CSMD1: variants seen among roughly 807,000 people sequenced by gnomAD.
The protein encoded by CSMD1 is CUB and sushi domain-containing protein 1.
CSMD1 carries 213 observed loss-of-function variants against 417.5 expected under a neutral mutation model. The observed-to-expected ratio is 0.51, with a 90% CI of 0.46 to 0.57. CSMD1 has a LOEUF of 0.57. CSMD1 is among the 20% of genes least tolerant of loss of function. The pLI, the probability that CSMD1 is intolerant of heterozygous loss-of-function variation, is 0.00. For synonymous variants in CSMD1, 2,862 were observed against 1,736.8 expected, an observed-to-expected ratio of 1.65 and a Z score of -16.11; for missense variants, 6,923 against 4,529.7, an observed-to-expected ratio of 1.53 and a Z score of -15.17.
At chr8:3,315,509 A>T (rs971414009) in intron 23 of CSMD1, among the ~76,000 whole-genome samples, 1 of 151,446 alleles carries the variant, frequency 6.6e-6, no homozygotes, top group Non-Finnish European at 1.5e-5. Flanking sequence ...TAAGCTACAG[A>T]TGCTATTGTT....
At chr8:4,414,951 T>G (rs1173812200) in intron 3 of CSMD1, among the ~76,000 whole-genome samples, 1 of 152,140 alleles carries the variant, frequency 6.6e-6, no homozygotes, top group East Asian at 1.9e-4. Context: ...TCCCTGCATT[T>G]ATTTTGGGAC....
chr8:3,530,814 C>G (rs1288210160), intron 10 of CSMD1, among the ~76,000 whole-genome samples: 1 of 151,720 alleles, frequency 6.6e-6, no homozygotes, highest in Non-Finnish European at 1.5e-5. Flanking sequence ...CAGGCATGAG[C>G]CACCATGCCT....
intron 3 of CSMD1, among the ~76,000 whole-genome samples, chr8:4,385,179 C>T (rs908239899): frequency 6.6e-6 from 1 of 151,988 alleles, no homozygotes; most frequent in Admixed American, 6.6e-5. Flanking sequence ...CTCCCCGTCT[C>T]GGCGTCTTAA....
intron 11 of CSMD1, among the ~76,000 whole-genome samples, chr8:3,473,708 A>G (rs188748287): frequency 1.3e-5 from 2 of 152,336 alleles, no homozygotes; most frequent in East Asian, 1.9e-4. Context: ...CATTATAACA[A>G]TGATGAAGAA....
At chr8:3,517,574 T>C (rs1328886624) in intron 10 of CSMD1, among the ~76,000 whole-genome samples, 1 of 152,190 alleles carries the variant, frequency 6.6e-6, no homozygotes, top group Non-Finnish European at 1.5e-5. Context: ...CACACTGCTG[T>C]CCTCTGCAAT....
In CSMD1 at chr8:3,985,315, A is replaced by C. The variant is rs574024150; in HGVS notation, c.818+12588T>G. On this transcript the variant is annotated intron_variant, in intron 5 of 69. Transcript: ENST00000635120. ...GCAGATAATAAATTATTTTTAAAGC[A>C]GGCATATATGTTTTCGTTTATTAGG... Among the ~76,000 whole-genome samples the C allele has an allele frequency of 3.7e-4, 57 of 152,328 alleles. No homozygotes were observed. The South Asian group carries it at 0.011, about 28-fold the overall frequency.
intron 5 of CSMD1, among the ~76,000 whole-genome samples, chr8:3,872,123 T>G (rs116485160): frequency 0.018 from 2,768 of 152,332 alleles, 78 homozygotes; most frequent in African/African-American, 0.063. Flanking sequence ...CATTCTTATT[T>G]GTTCTTTTTC....
At chr8:3,260,695 C>T (rs1394636945) in intron 26 of CSMD1, among the ~76,000 whole-genome samples, 2 of 151,992 alleles carry the variant, frequency 1.3e-5, no homozygotes, top group African/African-American at 2.4e-5. Flanking sequence ...TTGAGTATTA[C>T]ACAAAACAAA....
intron 5 of CSMD1, among the ~76,000 whole-genome samples, chr8:3,806,123 A>G (rs866038407): frequency 2.0e-5 from 3 of 152,140 alleles, no homozygotes; most frequent in South Asian, 4.1e-4. Context: ...AGTATTTATG[A>G]AAGCATCAAA....
chr8:3,476,822 G>A (rs1290433966), intron 11 of CSMD1, among the ~76,000 whole-genome samples: 1 of 151,316 alleles, frequency 6.6e-6, no homozygotes, highest in East Asian at 2.0e-4. Flanking sequence ...GGAGGCTGAG[G>A]CAAGGGAATG....
intron 10 of CSMD1, among the ~76,000 whole-genome samples, chr8:3,561,661 A>C (rs1234394584): frequency 6.6e-6 from 1 of 152,208 alleles, no homozygotes; most frequent in Non-Finnish European, 1.5e-5. Context: ...TAAGAATTGC[A>C]CATTGGGTAC....
At chr8:4,358,239 T>C (rs993033714) in intron 3 of CSMD1, among the ~76,000 whole-genome samples, 2 of 152,214 alleles carry the variant, frequency 1.3e-5, no homozygotes, top group Admixed American at 6.5e-5. Context: ...AATGTCACTG[T>C]GGGGCTTGTT....
intron 3 of CSMD1, among the ~76,000 whole-genome samples, chr8:4,079,107 G>C (rs570539482): frequency 1.6e-4 from 25 of 151,868 alleles, no homozygotes; most frequent in African/African-American, 5.6e-4. Flanking sequence ...AAATAGGGTG[G>C]TGTTTGAGAC....
At chr8:3,583,157 T>C (rs1800453688) in intron 9 of CSMD1, among the ~76,000 whole-genome samples, 1 of 152,022 alleles carries the variant, frequency 6.6e-6, no homozygotes, top group African/African-American at 2.4e-5. Flanking sequence ...TCAGATATAG[T>C]GCCAGCCCTA....
intron 3 of CSMD1, among the ~76,000 whole-genome samples, chr8:4,196,604 T>A (rs75245595): frequency 6.6e-6 from 1 of 152,206 alleles, no homozygotes; most frequent in East Asian, 1.9e-4. Context: ...TAGCCTTCTT[T>A]GTGAATCTTC....
intron 29 of CSMD1, among the ~76,000 whole-genome samples, chr8:3,215,355 A>G (rs894945616): frequency 1.3e-5 from 2 of 152,354 alleles, no homozygotes; most frequent in East Asian, 3.9e-4. Flanking sequence ...ATGTACTAAC[A>G]GCCAATAGTT....
At chr8:4,172,829 G>A (rs4875297) in intron 3 of CSMD1, among the ~76,000 whole-genome samples, 4 of 151,872 alleles carry the variant, frequency 2.6e-5, no homozygotes, top group Non-Finnish European at 5.9e-5. Flanking sequence ...ATGTCCATAT[G>A]GAAGGGACTG....
intron 49 of CSMD1, among the ~76,000 whole-genome samples, chr8:3,066,063 G>T (rs1812918571): frequency 6.6e-6 from 1 of 152,152 alleles, no homozygotes; most frequent in Admixed American, 6.5e-5. Context: ...AAAGGTTACA[G>T]AAAAATTGTC....
At chr8:4,820,567 T>C (rs886362727) in intron 1 of CSMD1, among the ~76,000 whole-genome samples, 2 of 152,068 alleles carry the variant, frequency 1.3e-5, no homozygotes, top group African/African-American at 4.8e-5. Context: ...AGAAAAAAAG[T>C]GAGCAAAGAA....
Sources: gnomAD v4.1 joint callset for allele counts (sites outside exome capture counted in the v4.1 genomes callset) on GRCh38, gnomAD v4.1.1 for gene constraint, MANE v1.5 for transcripts, NCBI Gene and HGNC (gene_info 2026-07-23, HGNC 2026-07-21) for gene names.